Variants in DISP3 observed in about 807,000 individuals in gnomAD.
DISP3 encodes protein dispatched homolog 3.
A neutral mutation model predicts 135.3 loss-of-function variants in DISP3; 101 were observed. The ratio of observed to expected loss-of-function variants is 0.75; its 90% CI spans 0.64 to 0.88. The LOEUF (loss-of-function observed/expected upper bound fraction) is 0.88, where lower values mean the gene tolerates loss of function less well. DISP3 is among the 40% of genes least tolerant of loss of function. The probability of loss-of-function intolerance (pLI) is 0.00; values close to 1 mark genes in which losing one functional copy is unlikely to be tolerated. For synonymous variants in DISP3, 856 were observed against 817.0 expected (o/e 1.05, Z -0.81); for missense variants, 1,713 against 1,878.6 (o/e 0.91, Z 1.63).
At chr1:11,514,638 TG>T (rs1641951556) in intron 4 of DISP3, 112 bp downstream of exon 4, 2 of 1,376,982 alleles carry the variant, frequency 1.5e-6, no homozygotes, top group Non-Finnish European at 1.0e-6. Flanking sequence ...ATGTCAGAGC[TG>T]GGGACACAGG....
chr1:11,520,584 G>GC lies in DISP3; in HGVS notation c.2201-97dup. ...CTTCCCCCGCACCCTTAGGACACCC[G>GC]CCCCCCAACAACCAGAGCAGTTGTC... On this transcript the variant is annotated intron_variant, in intron 9 of 20. Coordinates refer to ENST00000294484, the MANE Select transcript of DISP3 (RefSeq NM_020780.2). This position sits in a 1 kb window ranked among gnomAD's most constrained non-coding sequence, Gnocchi z 4.8. 3 of 1,356,704 alleles carry GC rather than the reference G, an allele frequency of 2.2e-6. No individual in the cohort carries two copies. Among genetic ancestry groups the GC allele is most frequent in the Non-Finnish European group, 2.0e-6 (2 of 989,576 alleles). The allele number at this position is 1,356,704 out of a possible 1,614,324, so 84.0% of individuals were successfully genotyped here. A position where few individuals can be genotyped will look rare whatever the true frequency, so the allele number is the denominator to read the frequency against.
At chr1:11,535,416 C>A (rs912348611) in intron 19 of DISP3, 62 bp from the exon 20 acceptor site, 1 of 1,543,584 alleles carries the variant, frequency 6.5e-7, no homozygotes, top group Admixed American at 1.8e-5. Flanking sequence ...CCAGACCTCC[C>A]TGTTCCTCTG....
chr1:11,532,174 G>A (rs1308087979), intron 17 of DISP3, among the ~76,000 whole-genome samples: 4 of 152,296 alleles, frequency 2.6e-5, no homozygotes, highest in Admixed American at 6.5e-5. Flanking sequence ...TGCCCAAGGA[G>A]GCATAGGCAC....
At chr1:11,486,685 A>ATT (rs542549075) in intron 1 of DISP3, among the ~76,000 whole-genome samples, 2 of 145,872 alleles carry the variant, frequency 1.4e-5, no homozygotes, top group South Asian at 2.2e-4. Flanking sequence ...TAAGATTAAG[A>ATT]TTTTTTTTTT....
chr1:11,531,658 C>A lies in DISP3; in HGVS notation c.3323C>A (p.Ala1108Glu). 6.2e-7 allele frequency: 1 copy of A among 1,612,846 alleles called. No individual in the cohort carries two copies. The highest frequency in any genetic ancestry group is 8.5e-7 in the Non-Finnish European group (1 of 1,179,660). Reference sequence around the variant, plus strand: ...CTCCCGGGGCAGCTGTCCCACGGGGCAGTGGGCGTCAGGGAGGGCCGCGTG... The same window carrying A: ...CTCCCGGGGCAGCTGTCCCACGGGGAAGTGGGCGTCAGGGAGGGCCGCGTG... Reference protein sequence around the residue: ...NLLPGQLSHGAVGVREGRVQW... With the variant: ...NLLPGQLSHGEVGVREGRVQW... Residue 1108 changes from alanine to glutamate, a missense_variant, in exon 17 of 21, where the codon GCA becomes GAA. Coordinates refer to ENST00000294484, the MANE Select transcript of DISP3 (RefSeq NM_020780.2). This position sits in a 1 kb window ranked among gnomAD's most constrained non-coding sequence, Gnocchi z 5.2.
chr1:11,483,565 AC>A lies in DISP3; in HGVS notation c.-4+4196del, dbSNP rs1570047767. 6.6e-6 allele frequency among the ~76,000 whole-genome samples: 1 copy of A among 152,170 alleles called. No individual in the cohort carries two copies. The highest frequency in any genetic ancestry group is 1.9e-4 in the East Asian group (1 of 5,200). Reference sequence around the variant, plus strand: ...AGCAAAAACCCCCATTTTGCCAAGTACCCTGTATTGTTTTGGTTACTGTCAT... The same window carrying A: ...AGCAAAAACCCCCATTTTGCCAAGTACCTGTATTGTTTTGGTTACTGTCAT... On this transcript the variant is annotated intron_variant, in intron 1 of 20. Transcript: ENST00000294484. This position sits in a 1 kb window ranked among gnomAD's most constrained non-coding sequence, Gnocchi z 5.4.
Position 11,517,478 on chromosome 1 carries a change from G to A in DISP3, c.1765G>A (p.Asp589Asn), listed in dbSNP as rs751752023. 5.0e-6 allele frequency: 8 copies of A among 1,614,166 alleles called. No homozygotes were observed. The highest frequency in any genetic ancestry group is 1.7e-5 in the Admixed American group (1 of 60,026). ...CCATCACCAGATCCCAGCCGTCCAC[G>A]ACTTTGGCCTGTTCATGTCTCTCAT... The part of the protein sequence containing the change: ...NVFSQIPAVH[D>N]FGLFMSLIVS... The change falls in exon 7 of 21, where the codon GAC (aspartate) becomes AAC (asparagine). Residue 589 changes from aspartate to asparagine, a missense_variant. Asp to Asn is a conservative substitution (Grantham distance 23, BLOSUM62 1). This residue lies in a region of DISP3 where 1,142 missense variants were observed against 1,384.6 expected (regional missense o/e 0.82). Coordinates refer to ENST00000294484, the MANE Select transcript of DISP3 (RefSeq NM_020780.2).
intron 5 of DISP3, 83 bp from the exon 6 acceptor site, chr1:11,515,918 C>CT: frequency 6.6e-7 from 1 of 1,506,522 alleles, no homozygotes; most frequent in Non-Finnish European, 9.0e-7. Flanking sequence ...GGAGGCCACT[C>CT]ACACTTGGTC....
chr1:11,511,696 A>C (rs1570106770), intron 3 of DISP3, among the ~76,000 whole-genome samples: 1 of 152,200 alleles, frequency 6.6e-6, no homozygotes, highest in South Asian at 2.1e-4. Context: ...TCTGGAGGAC[A>C]ATGACCCTCT....
rs758904234 is a variant in DISP3 at position 11,535,557 on chromosome 1, C to A, written c.3729C>A (p.Ile1243=). Residue 1243 remains isoleucine (I), a synonymous_variant, in exon 20 of 21, where the codon ATC becomes ATA. Coordinates refer to ENST00000294484, the MANE Select transcript of DISP3 (RefSeq NM_020780.2). ...CTGTGGAAGCCATCTCCCTGTCCATCCTCGTTGGCTCCTCCGTGGATTACT... is the reference window on the plus strand; with the variant it reads ...CTGTGGAAGCCATCTCCCTGTCCATACTCGTTGGCTCCTCCGTGGATTACT... The part of the protein sequence containing the change: ...MGAVEAISLS[I]LVGSSVDYCV... 1 of 1,613,400 alleles carries A rather than the reference C, an allele frequency of 6.2e-7. No individual in the cohort carries two copies. The highest frequency in any genetic ancestry group is 8.5e-7 in the Non-Finnish European group (1 of 1,179,928).
In DISP3 at chr1:11,525,267, T is replaced by A; in HGVS notation, c.2568T>A (p.Pro856=). 1 of 1,614,014 alleles carries A rather than the reference T, an allele frequency of 6.2e-7. No individual in the cohort carries two copies. Among genetic ancestry groups the A allele is most frequent in the Non-Finnish European group, 8.5e-7 (1 of 1,179,936 alleles). Residue 856 remains proline, a synonymous_variant, in exon 12 of 21, where the codon CCT becomes CCA. Transcript: ENST00000294484. ...RLSLNASLPA[P]WQAVSPGDGE... is the part of the protein sequence containing the mutation. ...CCCTCAATGCCAGCCTGCCTGCTCCTTGGCAGGCTGTGTCGCCTGGGGATG... is the reference window on the plus strand; with the variant it reads ...CCCTCAATGCCAGCCTGCCTGCTCCATGGCAGGCTGTGTCGCCTGGGGATG...
intron 18 of DISP3, 180 bp downstream of exon 18, chr1:11,534,720 G>A: frequency 2.4e-6 from 2 of 844,516 alleles, no homozygotes; most frequent in Non-Finnish European, 3.7e-6. Flanking sequence ...CTCCTGTCGG[G>A]GGCATCTGGC....
At chr1:11,510,414 A>G (rs916184885) in intron 3 of DISP3, among the ~76,000 whole-genome samples, 1 of 152,272 alleles carries the variant, frequency 6.6e-6, no homozygotes, top group Non-Finnish European at 1.5e-5. Context: ...ATCATTTCAT[A>G]TGTAGTATAA....
At chr1:11,488,858 C>A (rs1359804174) in intron 1 of DISP3, among the ~76,000 whole-genome samples, 1 of 152,196 alleles carries the variant, frequency 6.6e-6, no homozygotes, top group Non-Finnish European at 1.5e-5. Context: ...TTCTTGTCTG[C>A]AAATTGGAAA....
At position 11,515,441 on chromosome 1, in the gene DISP3, T is replaced by C. The variant is rs1436532178; in HGVS notation, c.1526T>C (p.Val509Ala). The change falls in exon 5 of 21, where the codon GTC (valine) becomes GCC (alanine). Residue 509 changes from valine to alanine, a missense_variant. Transcript: ENST00000294484. The part of the protein sequence containing the change: ...CLVALFLYHV[V>A]FGIQYLGILN... Reference sequence around the variant, plus strand: ...GTGGCCCTCTTCCTGTACCACGTGGTCTTTGGTATCCAGTACTTGGGCATC... The same window carrying C: ...GTGGCCCTCTTCCTGTACCACGTGGCCTTTGGTATCCAGTACTTGGGCATC... The C allele has an allele frequency of 5.0e-6, 8 of 1,613,832 alleles. No homozygotes were observed. In the East Asian group the frequency reaches 1.3e-4, roughly 27 times the overall value.
intron 1 of DISP3, among the ~76,000 whole-genome samples, chr1:11,487,803 G>T (rs2100361603): frequency 6.6e-6 from 1 of 152,296 alleles, no homozygotes; most frequent in South Asian, 2.1e-4. Flanking sequence ...TCTGGCTGTG[G>T]CATGGATTGG....
chr1:11,529,613 A>C lies in DISP3; in HGVS notation c.2856A>C (p.Ala952=), dbSNP rs1570146240. ...CCTTCCACGGGCGCGTATGCATGGC[A>C]CCCCCTGGCTGCCTGCTTAGCTCCA... ...KPPFHGRVCM[A]PPGCLLSSSP... The change falls in exon 14 of 21, where the codon GCA becomes GCC. Residue 952 remains alanine, a synonymous_variant. Coordinates refer to ENST00000294484, the MANE Select transcript of DISP3 (RefSeq NM_020780.2). This position sits in a 1 kb window ranked among gnomAD's most constrained non-coding sequence, Gnocchi z 4.7. 1 of 1,607,666 alleles carries C rather than the reference A, an allele frequency of 6.2e-7. No homozygotes were observed. Among genetic ancestry groups the C allele is most frequent in the Non-Finnish European group, 8.5e-7 (1 of 1,175,288 alleles).
rs761509343 is a variant in DISP3, at chr1:11,501,756, G to A, written c.764G>A (p.Arg255His). 1 of 1,592,304 alleles carries A rather than the reference G, an allele frequency of 6.3e-7. No individual in the cohort carries two copies. Among genetic ancestry groups the A allele is most frequent in the East Asian group, 2.3e-5 (1 of 44,196 alleles). ...NQSRARRGASRWDYSRAYVSA... is the reference protein window; with the variant it reads ...NQSRARRGASHWDYSRAYVSA... Reference sequence around the variant, plus strand: ...AGCCGTGCCCGCCGAGGCGCCTCGCGCTGGGACTACTCGCGCGCCTATGTG... The same window carrying A: ...AGCCGTGCCCGCCGAGGCGCCTCGCACTGGGACTACTCGCGCGCCTATGTG... The change falls in exon 2 of 21, where the codon CGC (arginine) becomes CAC (histidine). Residue 255 changes from arginine to histidine, a missense_variant. Arg to His is a conservative substitution (Grantham distance 29, BLOSUM62 0). This residue lies in a region of DISP3 where 571 missense variants were observed against 494.1 expected (regional missense o/e 1.16). Coordinates refer to ENST00000294484, the MANE Select transcript of DISP3 (RefSeq NM_020780.2). The surrounding 1 kb of genome is among the most constrained non-coding windows in gnomAD (Gnocchi z 4.9).
At chr1:11,523,670 T>C (rs1197746052) in intron 10 of DISP3, among the ~76,000 whole-genome samples, 2 of 150,404 alleles carry the variant, frequency 1.3e-5, no homozygotes, top group African/African-American at 2.5e-5. Context: ...GGGGGCAGAG[T>C]GGCACAGAGA....
Sources: gnomAD v4.1 joint callset for allele counts (sites outside exome capture counted in the v4.1 genomes callset) on GRCh38, gnomAD v4.1.1 for gene constraint, gnomAD v4.1.1 regional missense constraint, Gnocchi (gnomAD v3.1) non-coding constraint, MANE v1.5 for transcripts, NCBI Gene and HGNC (gene_info 2026-07-23, HGNC 2026-07-21) for gene names.